RIN3: variants seen among roughly 807,000 people sequenced by gnomAD.
The protein encoded by RIN3 is RAB5 interacting protein 3.
A neutral mutation model predicts 76.3 loss-of-function variants in RIN3; 54 were observed. That is an observed-to-expected ratio of 0.71 (90% CI 0.57 to 0.89). RIN3 has a LOEUF of 0.89. Among genes scored for constraint, RIN3 ranks in the 40% least tolerant of loss-of-function variants. The pLI, the probability that RIN3 is intolerant of heterozygous loss-of-function variation, is 0.00. For synonymous variants in RIN3, 576 were observed against 564.0 expected (o/e 1.02, Z -0.30); for missense variants, 1,256 against 1,322.1 (o/e 0.95, Z 0.78).
At chr14:92,678,185 C>G (rs946578190) in intron 8 of RIN3, among the ~76,000 whole-genome samples, 2 of 147,000 alleles carry the variant, frequency 1.4e-5, no homozygotes, top group African/African-American at 5.0e-5. Flanking sequence ...CACCCATTCA[C>G]CCATCCATCC....
intron 1 of RIN3, among the ~76,000 whole-genome samples, chr14:92,525,731 C>A (rs1351050007): frequency 6.6e-6 from 1 of 152,206 alleles, no homozygotes. Context: ...CATAGACTCT[C>A]AGGCAGCGTC....
At chr14:92,676,136 T>G (rs561040763) in intron 7 of RIN3, among the ~76,000 whole-genome samples, 1 of 151,722 alleles carries the variant, frequency 6.6e-6, no homozygotes, top group East Asian at 1.9e-4. Flanking sequence ...TCTGGGTGGG[T>G]CCACGAATAA....
At chr14:92,657,678 C>G (rs1356210947) in intron 6 of RIN3, among the ~76,000 whole-genome samples, 3 of 152,228 alleles carry the variant, frequency 2.0e-5, no homozygotes, top group Non-Finnish European at 4.4e-5. Flanking sequence ...CCAGGTCAAC[C>G]CCCATCTGCG....
intron 2 of RIN3, among the ~76,000 whole-genome samples, chr14:92,557,228 G>A (rs1167253104): frequency 6.6e-6 from 1 of 152,210 alleles, no homozygotes; most frequent in Non-Finnish European, 1.5e-5. Flanking sequence ...AGCCCTAGGA[G>A]GTAGGTGTTG....
chr14:92,576,247 CAG>C, intron 2 of RIN3: 2 of 1,286,118 alleles, frequency 1.6e-6, no homozygotes, highest in Non-Finnish European at 2.0e-6. Context: ...TTTAAAACAG[CAG>C]AGTTTGTGAA....
chr14:92,538,797 G>A (rs541611515), intron 1 of RIN3, among the ~76,000 whole-genome samples: 65 of 152,172 alleles, frequency 4.3e-4, no homozygotes, highest in African/African-American at 1.5e-3. Context: ...TTCTGAGTAG[G>A]CGATATAGTC....
intron 3 of RIN3, among the ~76,000 whole-genome samples, chr14:92,594,086 C>T (rs922683586): frequency 6.6e-6 from 1 of 152,224 alleles, no homozygotes; most frequent in East Asian, 1.9e-4. Flanking sequence ...GGAACATTCA[C>T]CAAGATAGAC....
intron 7 of RIN3, among the ~76,000 whole-genome samples, chr14:92,666,473 G>C (rs1426674365): frequency 1.3e-5 from 2 of 152,202 alleles, no homozygotes; most frequent in Non-Finnish European, 2.9e-5. Flanking sequence ...GGTCGAGTGT[G>C]TCTTCTCCTG....
intron 7 of RIN3, among the ~76,000 whole-genome samples, chr14:92,660,032 A>G (rs1887822206): frequency 6.6e-6 from 1 of 152,140 alleles, no homozygotes; most frequent in Non-Finnish European, 1.5e-5. Context: ...TTAGGGGCCC[A>G]CCCCACTCCA....
rs149740709 is a variant in RIN3 at position 92,652,218 on chromosome 14, G to A, written c.1169G>A (p.Arg390His). ...KNLPTAPPRR[R>H]VSERVSLEDQ... is the part of the protein sequence containing the mutation. ...CTTCCCACTGCCCCTCCCAGACGCC[G>A]CGTTTCCGAGAGGGTGTCCTTAGAA... is the stretch of plus-strand genomic sequence containing the variant. The change falls in exon 6 of 10, where the codon CGC (arginine) becomes CAC (histidine). Residue 390 changes from arginine (R) to histidine (H), a missense_variant. This residue lies in a region of RIN3 where 610 missense variants were observed against 626.4 expected (regional missense o/e 0.97). Transcript: ENST00000216487. The surrounding 1 kb of genome is among the most constrained non-coding windows in gnomAD (Gnocchi z 6.4). 1.4e-4 allele frequency: 219 copies of A among 1,606,568 alleles called. No individual in the cohort carries two copies. The highest frequency in any genetic ancestry group is 1.6e-4 in the Non-Finnish European group (190 of 1,175,186).
intron 7 of RIN3, among the ~76,000 whole-genome samples, chr14:92,673,269 T>A (rs1888349014): frequency 6.6e-6 from 1 of 152,218 alleles, no homozygotes; most frequent in Admixed American, 6.5e-5. Context: ...ATTTTGCCTG[T>A]GTATCCACAA....
intron 4 of RIN3, among the ~76,000 whole-genome samples, chr14:92,634,628 G>A (rs1367654134): frequency 6.6e-6 from 1 of 152,006 alleles, no homozygotes; most frequent in Non-Finnish European, 1.5e-5. Context: ...CACTTTGGGA[G>A]GCCGAATCAC....
At chr14:92,606,145 C>CA (rs10573887) in intron 3 of RIN3, among the ~76,000 whole-genome samples, 16,011 of 95,738 alleles carry the variant, frequency 0.17, 1,217 homozygotes, top group Middle Eastern at 0.24. Context: ...GAGCCAGTCT[C>CA]AAAAAAAAAA....
intron 3 of RIN3, among the ~76,000 whole-genome samples, chr14:92,585,909 C>T (rs2140070673): frequency 6.6e-6 from 1 of 152,294 alleles, no homozygotes; most frequent in African/African-American, 2.4e-5. Context: ...GATATTTCAG[C>T]AGTGAGGAAG....
chr14:92,560,789 C>T (rs893239992), intron 2 of RIN3, among the ~76,000 whole-genome samples: 5 of 151,670 alleles, frequency 3.3e-5, no homozygotes, highest in South Asian at 2.1e-4. Flanking sequence ...GAGGCCAAGG[C>T]GGGTGGATCA....
chr14:92,564,838 G>A (rs568370222), intron 2 of RIN3, among the ~76,000 whole-genome samples: 19 of 152,330 alleles, frequency 1.2e-4, no homozygotes, highest in Admixed American at 2.0e-4. Context: ...GCGCGCGCAG[G>A]AACAGCTGAC....
At chr14:92,541,961 G>A (rs1289888430) in intron 1 of RIN3, among the ~76,000 whole-genome samples, 2 of 152,174 alleles carry the variant, frequency 1.3e-5, no homozygotes, top group African/African-American at 2.4e-5. Flanking sequence ...AATAGGTAAA[G>A]GATCTGAATA....
At position 92,688,230 on chromosome 14, in the gene RIN3, T is replaced by G; in HGVS notation, c.2936T>G (p.Val979Gly). The change falls in exon 10 of 10, where the codon GTG (valine) becomes GGG (glycine). Residue 979 changes from valine (V) to glycine (G), a missense_variant. Physicochemically the swap from Val to Gly is moderately radical, Grantham distance 109 (BLOSUM62 -3). Around this residue, in one of 3 missense-constraint regions of RIN3, gnomAD observed 218 missense variants for 174.5 expected, o/e 1.25. Transcript: ENST00000216487. ...GGGGSPPCLVVREPNFL is the reference protein window; with the variant it reads ...GGGGSPPCLVGREPNFL ...GGCGGGAGCCCGCCCTGCCTGGTGG[T>G]GCGGGAGCCCAACTTCCTGTGAGGC... 2 of 1,594,758 alleles carry G rather than the reference T, an allele frequency of 1.3e-6. No individual in the cohort carries two copies. The highest frequency in any genetic ancestry group is 1.7e-6 in the Non-Finnish European group (2 of 1,172,136).
chr14:92,581,083 A>G (rs939805846), intron 3 of RIN3, among the ~76,000 whole-genome samples: 2 of 152,198 alleles, frequency 1.3e-5, no homozygotes, highest in Non-Finnish European at 2.9e-5. Flanking sequence ...TTCCCAGACC[A>G]AGTATGCAGC....
Sources: allele counts gnomAD v4.1 joint callset (sites outside exome capture counted in the v4.1 genomes callset), GRCh38; gene constraint gnomAD v4.1.1; regional missense constraint gnomAD v4.1.1; non-coding constraint Gnocchi (gnomAD v3.1); transcripts MANE v1.5; gene names NCBI Gene and HGNC (gene_info 2026-07-23, HGNC 2026-07-21).